RTEL1: variants seen among roughly 807,000 people sequenced by gnomAD.
The protein encoded by RTEL1 is regulator of telomere elongation helicase 1, also known as regulator of telomere length.
RTEL1 carries 86 observed loss-of-function variants against 162.2 expected under a neutral mutation model. The observed-to-expected ratio is 0.53, with a 90% CI of 0.45 to 0.63. RTEL1 has a LOEUF of 0.63. RTEL1 is among the 30% of genes least tolerant of loss of function. The pLI is 0.00. For missense variants in RTEL1, 1,941 were observed against 1,750.2 expected, an observed-to-expected ratio of 1.11 and a Z score of -1.95; for synonymous variants, 958 against 717.9, an observed-to-expected ratio of 1.33 and a Z score of -5.35.
In RTEL1 at chr20:63,690,952, A is replaced by G. The variant is rs7361524; in HGVS notation, c.2556+5A>G. ...GGGAGCCCTGGCGAGGAGCAGGTAC[A>G]GTTCCAGGGCCTTGGGATGGACACA... On this transcript the variant is annotated splice_donor_5th_base_variant and intron_variant, in intron 27 of 34. Transcript: ENST00000360203. The G allele has an allele frequency of 1.3e-6, 2 of 1,547,828 alleles. No individual in the cohort carries two copies. Among genetic ancestry groups the G allele is most frequent in the South Asian group, 1.2e-5 (1 of 84,034 alleles).
At chr20:63,692,586 G>C (rs1272639225) in intron 28 of RTEL1, 6 of 591,692 alleles carry the variant, frequency 1.0e-5, no homozygotes, top group South Asian at 4.0e-5. Flanking sequence ...TCAGTTCCCT[G>C]CCAGCCTCTC....
chr20:63,662,697 G>C, intron 5 of RTEL1, 70 bp downstream of exon 5: 1 of 1,606,618 alleles, frequency 6.2e-7, no homozygotes, highest in South Asian at 1.1e-5. Flanking sequence ...CAGAGCCCCA[G>C]GCTGCGCTCC....
chr20:63,687,693 C>G lies in RTEL1; in HGVS notation c.1404C>G (p.Val468=). ...FSPGHSMHEL[V]RQGVRSLILT... ...CCGGCCACAGCATGCACGAGCTGGT[C>G]CGCCAGGGCGTCCGCTCCCTCATCC... is the stretch of plus-strand genomic sequence containing the variant. Residue 468 remains valine (V), a synonymous_variant, in exon 17 of 35, where the codon GTC becomes GTG. Coordinates refer to ENST00000360203, the MANE Select transcript of RTEL1 (RefSeq NM_001283009.2). The G allele has an allele frequency of 6.2e-7, 1 of 1,607,896 alleles. No homozygotes were observed. The highest frequency in any genetic ancestry group is 2.2e-5 in the East Asian group (1 of 44,774).
chr20:63,690,855 CA>C lies in RTEL1; in HGVS notation c.2465del (p.Gln822ArgfsTer82). ...PESSLCVEYE[Q>X]EPVPARQRPR... ...GAGTAGCCTGTGTGTGGAGTATGAG[CA>C]GGAGCCAGTTCCTGCCCGGCAGAGG... On this transcript the variant is annotated frameshift_variant, in exon 27 of 35. Coordinates refer to ENST00000360203, the MANE Select transcript of RTEL1 (RefSeq NM_001283009.2). LOFTEE classifies it high-confidence loss of function. 6.2e-7 allele frequency: 1 copy of C among 1,604,826 alleles called. No individual in the cohort carries two copies. Among genetic ancestry groups the C allele is most frequent in the Non-Finnish European group, 8.5e-7 (1 of 1,177,268 alleles).
At position 63,687,924 on chromosome 20, in the gene RTEL1, T is replaced by C. The variant is rs201072205; in HGVS notation, c.1482-13T>C. Reference sequence around the variant, plus strand: ...GCACTTCCCCACTGTCTGCTCCCTCTGGCCACGCTCAGCCCTTTCCCAGTC... The same window carrying C: ...GCACTTCCCCACTGTCTGCTCCCTCCGGCCACGCTCAGCCCTTTCCCAGTC... On this transcript the variant is annotated splice_polypyrimidine_tract_variant and intron_variant, in intron 17 of 34. Coordinates refer to ENST00000360203, the MANE Select transcript of RTEL1 (RefSeq NM_001283009.2). The C allele has an allele frequency of 1.1e-5, 17 of 1,611,846 alleles. No homozygotes were observed. Among genetic ancestry groups the C allele is most frequent in the African/African-American group, 5.3e-5 (4 of 75,030 alleles).
chr20:63,693,955 C>G (rs527590362), intron 30 of RTEL1, among the ~76,000 whole-genome samples: 3 of 151,540 alleles, frequency 2.0e-5, no homozygotes, highest in Non-Finnish European at 4.4e-5. Flanking sequence ...CTCCCTGTTT[C>G]TGCCTCTGTT....
intron 8 of RTEL1, among the ~76,000 whole-genome samples, chr20:63,671,012 G>A (rs112402873): frequency 4.6e-5 from 7 of 152,252 alleles, no homozygotes; most frequent in African/African-American, 1.4e-4. Flanking sequence ...ATGAGTCTCG[G>A]ACATGCTAAC....
In RTEL1 at chr20:63,695,620, C is replaced by T. The variant is rs773596641; in HGVS notation, c.3792C>T (p.Arg1264=). 2.0e-5 allele frequency: 33 copies of T among 1,611,732 alleles called. No individual in the cohort carries two copies. The highest frequency in any genetic ancestry group is 2.6e-5 in the Non-Finnish European group (31 of 1,179,894). ...PFQCPACDFQ[R]CQACWQRHLQ... ...AGTGCCCTGCCTGTGACTTCCAGCG[C>T]TGCCAAGCCTGCTGGCAACGGCACC... The change falls in exon 34 of 35, where the codon CGC becomes CGT. Residue 1264 remains arginine (R), a synonymous_variant. Transcript: ENST00000360203.
chr20:63,671,749 C>T (rs956600933), intron 8 of RTEL1, among the ~76,000 whole-genome samples: 3 of 151,134 alleles, frequency 2.0e-5, no homozygotes, highest in Non-Finnish European at 4.4e-5. Context: ...CCTCGGCCTC[C>T]GAAAGTGCTG....
At chr20:63,681,457 G>C (rs928425254) in intron 14 of RTEL1, 1 of 985,164 alleles carries the variant, frequency 1.0e-6, no homozygotes, top group Admixed American at 6.2e-5. Context: ...TGCTGCCCAC[G>C]CTGTACCTGC....
chr20:63,658,112 A>G (rs1465537456), upstream of RTEL1: 3 of 152,332 alleles, frequency 2.0e-5, no homozygotes, highest in Admixed American at 6.5e-5. Flanking sequence ...TGGTGGGGGA[A>G]TGACATCAAG....
In RTEL1 at chr20:63,668,061, TGTGTGCCCAGCCCCACTCCCTTCCGCCCC is replaced by T. The variant is rs1483884529; in HGVS notation, c.699+525_699+553del. ...CTGACACTCACTCCCCTCCTCCCAG[TGTGTGCCCAGCCCCACTCCCTTCCGCCCC>T]GTGTGCCCAGCCCCACGCTCACTCC... On this transcript the variant is annotated intron_variant, in intron 8 of 34. Transcript: ENST00000360203. The surrounding 1 kb of genome is among the most constrained non-coding windows in gnomAD (Gnocchi z 4.3). Among the ~76,000 whole-genome samples, 4 of 142,140 alleles carry T rather than the reference TGTGTGCCCAGCCCCACTCCCTTCCGCCCC, an allele frequency of 2.8e-5. No homozygotes were observed. Among genetic ancestry groups the T allele is most frequent in the African/African-American group, 5.4e-5 (2 of 37,030 alleles). The allele number at this position is 142,140 out of a possible 152,430, so 93.2% of individuals were successfully genotyped here. A position where few individuals can be genotyped will look rare whatever the true frequency, so the allele number is the denominator to read the frequency against.
At chr20:63,673,802 T>A (rs182816264) in intron 9 of RTEL1, 138 bp from the exon 10 acceptor site, 221 of 947,344 alleles carry the variant, frequency 2.3e-4, no homozygotes, top group Middle Eastern at 1.7e-3. Context: ...ACTTGTGGCC[T>A]TTTACAGACC....
Position 63,695,670 on chromosome 20 carries a change from A to C in RTEL1, c.3822+20A>C, listed in dbSNP as rs984873563. On this transcript the variant is annotated intron_variant, in intron 34 of 34. Transcript: ENST00000360203. The stretch of plus-strand genomic sequence containing the variant: ...CTTCAGGTTGGTGCCTGGCCACTAC[A>C]GTTCCTGCTGGGTGTAGCCCCAGGT... 4 of 1,610,872 alleles carry C rather than the reference A, an allele frequency of 2.5e-6. No individual in the cohort carries two copies. The African/African-American group carries it at 5.3e-5, about 21-fold the overall frequency.
At chr20:63,671,250 G>A (rs1321434206) in intron 8 of RTEL1, among the ~76,000 whole-genome samples, 3 of 150,628 alleles carry the variant, frequency 2.0e-5, no homozygotes, top group Non-Finnish European at 3.0e-5. Flanking sequence ...CAGTAGAGAC[G>A]GCAGTTCGCC....
Position 63,688,526 on chromosome 20 carries a change from A to G in RTEL1, c.1723-2A>G. On this transcript the variant is annotated splice_acceptor_variant, in intron 20 of 34. Coordinates refer to ENST00000360203, the MANE Select transcript of RTEL1 (RefSeq NM_001283009.2). LOFTEE classifies it high-confidence loss of function. ...CCGTGTCCCTGCCTCTTCCTCCCAC[A>G]GGCCCGCGACTTGGCCAGGAAGATG... 1 of 1,610,022 alleles carries G rather than the reference A, an allele frequency of 6.2e-7. No homozygotes were observed. Among genetic ancestry groups the G allele is most frequent in the Non-Finnish European group, 8.5e-7 (1 of 1,179,316 alleles).
At chr20:63,681,392 G>T (rs1324301468) in intron 14 of RTEL1, 1 of 985,208 alleles carries the variant, frequency 1.0e-6, no homozygotes, top group Non-Finnish European at 1.2e-6. Flanking sequence ...AGAAGTCCCT[G>T]ACTGGGGAAG....
chr20:63,659,373 C>T lies in RTEL1; in HGVS notation c.-30C>T. 2 of 1,548,310 alleles carry T rather than the reference C, an allele frequency of 1.3e-6. No individual in the cohort carries two copies. The highest frequency in any genetic ancestry group is 1.8e-6 in the Non-Finnish European group (2 of 1,120,196). On this transcript the variant is annotated 5_prime_UTR_variant, in exon 2 of 35. The change creates a new upstream start codon in the 5' untranslated region. Transcript: ENST00000360203. Reference sequence around the variant, plus strand: ...ACCCGAATAGCCTGCCCCTCAGCCACGCTCTGTGCCCTTCTGAGAACAGGC... The same window carrying T: ...ACCCGAATAGCCTGCCCCTCAGCCATGCTCTGTGCCCTTCTGAGAACAGGC...
chr20:63,693,475 C>T (rs1568720097), intron 30 of RTEL1, among the ~76,000 whole-genome samples, 192 bp downstream of exon 30: 5 of 70,326 alleles, frequency 7.1e-5, no homozygotes, highest in East Asian at 5.1e-4. Flanking sequence ...ACCTCCACCT[C>T]CACCTCCACC....
Sources: gnomAD v4.1 joint callset for allele counts (sites outside exome capture counted in the v4.1 genomes callset) on GRCh38, gnomAD v4.1.1 for gene constraint, Gnocchi (gnomAD v3.1) non-coding constraint, MANE v1.5 for transcripts, NCBI Gene and HGNC (gene_info 2026-07-23, HGNC 2026-07-21) for gene names.